Variants in FAM13A observed in about 807,000 individuals in gnomAD.
FAM13A encodes family with sequence similarity 13 member A, also known as protein FAM13A.
Under a neutral mutation model 129.6 loss-of-function variants are expected in FAM13A, and 76 were observed. That is an observed-to-expected ratio of 0.59 (90% CI 0.49 to 0.71). The LOEUF is 0.71. Ranked by LOEUF, FAM13A falls within the 30% of genes least tolerant of loss-of-function variation. The probability of loss-of-function intolerance (pLI) is 0.00; values close to 1 mark genes in which losing one functional copy is unlikely to be tolerated. For missense variants in FAM13A, 1,108 were observed against 1,249.3 expected (o/e 0.89, Z 1.70); for synonymous variants, 443 against 449.9 (o/e 0.98, Z 0.20).
intron 6 of FAM13A, among the ~76,000 whole-genome samples, chr4:88,881,210 C>T (rs1743509045): frequency 6.6e-6 from 1 of 152,242 alleles, no homozygotes; most frequent in Admixed American, 6.5e-5. Flanking sequence ...ACTAAGGACT[C>T]TCACAGAGCT....
At chr4:88,881,149 C>T (rs1160617651) in intron 6 of FAM13A, among the ~76,000 whole-genome samples, 1 of 152,234 alleles carries the variant, frequency 6.6e-6, no homozygotes, top group Non-Finnish European at 1.5e-5. Flanking sequence ...AAACTGCCAC[C>T]TCCTGGCTGG....
chr4:88,927,335 TAA>T (rs1752360921), intron 5 of FAM13A, among the ~76,000 whole-genome samples: 1 of 151,984 alleles, frequency 6.6e-6, no homozygotes, highest in East Asian at 1.9e-4. Flanking sequence ...TTACCAAATC[TAA>T]GAGTTTTTTG....
chr4:88,870,783 G>A (rs1450047557), intron 6 of FAM13A, among the ~76,000 whole-genome samples: 5 of 152,176 alleles, frequency 3.3e-5, no homozygotes, highest in African/African-American at 9.6e-5. Flanking sequence ...CTTCCAGCAC[G>A]GTGTTTGAGC....
Position 89,034,164 on chromosome 4 carries a change from A to AT in FAM13A, c.28-4516dup, listed in dbSNP as rs531322568. On this transcript the variant is annotated intron_variant, in intron 1 of 23. Coordinates refer to ENST00000264344, the MANE Select transcript of FAM13A (RefSeq NM_014883.4). ...CAGACAGCCTACAGAATGGGAGGAAATATTTGCAAACTATGCATCCAAGAA... is the reference window on the plus strand; with the variant it reads ...CAGACAGCCTACAGAATGGGAGGAAATTATTTGCAAACTATGCATCCAAGAA... Among the ~76,000 whole-genome samples, 9 of 152,354 alleles carry AT rather than the reference A, an allele frequency of 5.9e-5. No individual in the cohort carries two copies. The East Asian group carries it at 9.6e-4, about 16-fold the overall frequency.
intron 4 of FAM13A, among the ~76,000 whole-genome samples, chr4:88,967,563 T>G (rs999111829): frequency 6.6e-6 from 1 of 152,180 alleles, no homozygotes; most frequent in Non-Finnish European, 1.5e-5. Flanking sequence ...TTATCTTAAT[T>G]TATAATGTGA....
chr4:89,028,163 G>A (rs1039595238), intron 2 of FAM13A, among the ~76,000 whole-genome samples: 6 of 143,226 alleles, frequency 4.2e-5, no homozygotes, highest in African/African-American at 1.6e-4. Flanking sequence ...CCAAGATTAC[G>A]CCATTGCACT....
chr4:89,020,623 C>T lies in FAM13A; in HGVS notation c.264G>A (p.Val88=). Reference sequence around the variant, plus strand: ...CGAACTTCAGTCGAAGTTGTTCCACCACCTTCACGTTACCATTCACCCTAA... The same window carrying T: ...CGAACTTCAGTCGAAGTTGTTCCACTACCTTCACGTTACCATTCACCCTAA... ...GLFRVNGNVK[V]VEQLRLKFES... is the part of the protein sequence containing the mutation. Residue 88 remains valine (V), a synonymous_variant, in exon 3 of 24, where the codon GTG becomes GTA. Transcript: ENST00000264344. The T allele has an allele frequency of 6.2e-7, 1 of 1,614,136 alleles. No homozygotes were observed. Among genetic ancestry groups the T allele is most frequent in the Non-Finnish European group, 8.5e-7 (1 of 1,180,040 alleles).
At chr4:88,839,266 G>A (rs6841580) in intron 7 of FAM13A, among the ~76,000 whole-genome samples, 10,672 of 152,076 alleles carry the variant, frequency 0.07, 529 homozygotes, top group African/African-American at 0.14. Flanking sequence ...ATGGGTTATA[G>A]ATCTAACAGC....
chr4:88,938,506 T>C (rs973067553), intron 4 of FAM13A, among the ~76,000 whole-genome samples: 4 of 152,132 alleles, frequency 2.6e-5, no homozygotes, highest in African/African-American at 7.2e-5. Context: ...CAGTAGTACT[T>C]TGAATATATT....
chr4:88,741,382 G>A (rs945479365), intron 19 of FAM13A, among the ~76,000 whole-genome samples: 8 of 152,078 alleles, frequency 5.3e-5, no homozygotes, highest in East Asian at 1.9e-4. Context: ...AGTAAATTAC[G>A]CCAGACACAA....
intron 5 of FAM13A, among the ~76,000 whole-genome samples, chr4:88,932,177 G>A (rs976576495): frequency 1.3e-5 from 2 of 152,126 alleles, no homozygotes; most frequent in African/African-American, 4.8e-5. Flanking sequence ...CTAAGATTTT[G>A]GTTATTTCTC....
At chr4:88,913,076 G>A (rs1054855402) in intron 5 of FAM13A, among the ~76,000 whole-genome samples, 1 of 151,182 alleles carries the variant, frequency 6.6e-6, no homozygotes, top group South Asian at 2.1e-4. Flanking sequence ...GGAACAAGAG[G>A]AGGAGGAAGA....
At chr4:88,947,022 A>G (rs1342825562) in intron 4 of FAM13A, among the ~76,000 whole-genome samples, 1 of 152,156 alleles carries the variant, frequency 6.6e-6, no homozygotes, top group African/African-American at 2.4e-5. Context: ...TGGCCTGACC[A>G]AAAGGGGAAA....
intron 3 of FAM13A, among the ~76,000 whole-genome samples, chr4:88,994,181 C>T (rs553888158): frequency 2.6e-5 from 4 of 152,320 alleles, no homozygotes; most frequent in African/African-American, 9.6e-5. Flanking sequence ...GCGTCCTCTA[C>T]ATCAGCGGCT....
intron 13 of FAM13A, 41 bp downstream of exon 13, chr4:88,767,512 C>T (rs1185209325): frequency 5.3e-6 from 8 of 1,496,550 alleles, no homozygotes; most frequent in African/African-American, 1.4e-5. Flanking sequence ...AGTGTATGAA[C>T]AGCCCCGTCA....
At chr4:89,019,254 G>A (rs777466133) in intron 3 of FAM13A, among the ~76,000 whole-genome samples, 2 of 152,118 alleles carry the variant, frequency 1.3e-5, no homozygotes, top group Non-Finnish European at 2.9e-5. Flanking sequence ...TTAGCATACT[G>A]CATGTGAATA....
chr4:88,751,466 C>T (rs924525220), intron 14 of FAM13A, among the ~76,000 whole-genome samples: 16 of 152,138 alleles, frequency 1.1e-4, no homozygotes, highest in African/African-American at 3.9e-4. Flanking sequence ...GGGATTAGCA[C>T]ATTTAAGATG....
At chr4:88,932,638 T>C (rs1480143605) in intron 5 of FAM13A, among the ~76,000 whole-genome samples, 3 of 152,186 alleles carry the variant, frequency 2.0e-5, no homozygotes, top group East Asian at 1.9e-4. Context: ...GAAAAAGATA[T>C]GGGAAATGGT....
chr4:88,957,282 T>A (rs528853529), intron 4 of FAM13A, among the ~76,000 whole-genome samples: 2 of 151,916 alleles, frequency 1.3e-5, no homozygotes, highest in African/African-American at 4.8e-5. Flanking sequence ...GCTGAGGAGA[T>A]TGCACCACTG....
Sources: allele counts gnomAD v4.1 joint callset (sites outside exome capture counted in the v4.1 genomes callset), GRCh38; gene constraint gnomAD v4.1.1; transcripts MANE v1.5; gene names NCBI Gene and HGNC (gene_info 2026-07-23, HGNC 2026-07-21).